TTYH3: variants seen among roughly 807,000 people sequenced by gnomAD.
TTYH3 encodes the protein protein tweety homolog 3.
A neutral mutation model predicts 68.2 loss-of-function variants in TTYH3; 23 were observed. That is an observed-to-expected ratio of 0.34 (90% CI 0.24 to 0.48). The LOEUF (loss-of-function observed/expected upper bound fraction) is 0.48. Among genes scored for constraint, TTYH3 ranks in the 20% least tolerant of loss-of-function variants. The pLI is 0.99. For missense variants in TTYH3, 768 were observed against 727.7 expected (o/e 1.06, Z -0.64); for synonymous variants, 360 against 332.8 (o/e 1.08, Z -0.89).
At chr7:2,653,089 C>A in intron 9 of TTYH3, 79 bp downstream of exon 9, 2 of 1,332,058 alleles carry the variant, frequency 1.5e-6, no homozygotes, top group Non-Finnish European at 2.1e-6. Context: ...GGTGCAAACA[C>A]AGCTCAGGGC....
At position 2,648,985 on chromosome 7, in the gene TTYH3, C is replaced by T. The variant is rs80128481; in HGVS notation, c.723-582C>T. The stretch of plus-strand genomic sequence containing the variant: ...CCCGCAGTGGGGTGTGGGGCCTGCA[C>T]TGGGGTGTGTTTTGGGGATCTGAAC... On this transcript the variant is annotated intron_variant, in intron 5 of 13. Coordinates refer to ENST00000258796, the MANE Select transcript of TTYH3 (RefSeq NM_025250.3). Among the ~76,000 whole-genome samples the T allele has an allele frequency of 3.6e-5, 2 of 55,714 alleles. 1 individual carries two copies. The highest frequency in any genetic ancestry group is 7.3e-5 in the Non-Finnish European group (2 of 27,352). The allele number at this position is 55,714 out of a possible 152,430, so 36.6% of individuals were successfully genotyped here.
rs1786537490 is a variant in TTYH3 at position 2,663,178 on chromosome 7, G to A, written c.*1439G>A. 1 of 152,496 alleles carries A rather than the reference G, an allele frequency of 6.6e-6. No homozygotes were observed. The highest frequency in any genetic ancestry group is 6.5e-5 in the Admixed American group (1 of 15,288). 9.4% of individuals were successfully genotyped at this position (152,496 alleles called of 1,614,324 possible). ...CCAGCCCTCGAGGCTCGATGCCTGTGCCAAGGCCAGGGGCAGCCAGAGGGC... is the reference window on the plus strand; with the variant it reads ...CCAGCCCTCGAGGCTCGATGCCTGTACCAAGGCCAGGGGCAGCCAGAGGGC... On this transcript the variant is annotated 3_prime_UTR_variant, in exon 14 of 14. Coordinates refer to ENST00000258796, the MANE Select transcript of TTYH3 (RefSeq NM_025250.3).
intron 9 of TTYH3, 52 bp from the exon 10 acceptor site, chr7:2,656,040 G>A (rs1786323136): frequency 2.8e-5 from 40 of 1,417,324 alleles, no homozygotes; most frequent in Non-Finnish European, 3.8e-5. Flanking sequence ...AGGCTGGCTC[G>A]AGGTCCCCCG....
rs1446135441 is a variant in TTYH3, at chr7:2,663,815, TG to T, written c.*2077del. 2 of 152,558 alleles carry T rather than the reference TG, an allele frequency of 1.3e-5. No homozygotes were observed. The highest frequency in any genetic ancestry group is 4.8e-5 in the African/African-American group (2 of 41,434). The allele number at this position is 152,558 out of a possible 1,614,324, so 9.5% of individuals were successfully genotyped here. A position where few individuals can be genotyped will look rare whatever the true frequency, so the allele number is the denominator to read the frequency against. ...GCTGTCTCGGGACTCCTGACCGTGGTGTGCGTGTGTGCCCGTCTGTGACTTT... is the reference window on the plus strand; with the variant it reads ...GCTGTCTCGGGACTCCTGACCGTGGTTGCGTGTGTGCCCGTCTGTGACTTT... On this transcript the variant is annotated 3_prime_UTR_variant, in exon 14 of 14. Coordinates refer to ENST00000258796, the MANE Select transcript of TTYH3 (RefSeq NM_025250.3).
intron 9 of TTYH3, among the ~76,000 whole-genome samples, chr7:2,654,422 G>GTATA (rs34909345): frequency 2.0e-5 from 3 of 151,412 alleles, no homozygotes; most frequent in African/African-American, 7.3e-5. Context: ...GTATGTATGT[G>GTATA]TATATATATA....
At chr7:2,653,828 A>G (rs1685142029) in intron 9 of TTYH3, among the ~76,000 whole-genome samples, 1 of 152,234 alleles carries the variant, frequency 6.6e-6, no homozygotes, top group Non-Finnish European at 1.5e-5. Flanking sequence ...ACGCCACTGC[A>G]CTCCAGCCTG....
chr7:2,636,028 T>G (rs1105421), intron 1 of TTYH3, among the ~76,000 whole-genome samples: 99,181 of 152,156 alleles, frequency 0.65, 33,517 homozygotes, highest in African/African-American at 0.83. Context: ...AGCCCTCTGT[T>G]CCAGGCACTG....
At chr7:2,649,229 G>A (rs1023550906) in intron 5 of TTYH3, among the ~76,000 whole-genome samples, 3 of 152,122 alleles carry the variant, frequency 2.0e-5, no homozygotes, top group Admixed American at 1.3e-4. Context: ...GGGCTGCTAC[G>A]TGGGCGGCGG....
At chr7:2,651,357 T>C (rs2114990628) in intron 7 of TTYH3, among the ~76,000 whole-genome samples, 1 of 152,228 alleles carries the variant, frequency 6.6e-6, no homozygotes, top group East Asian at 1.9e-4. Context: ...CTGAAGAGCC[T>C]CCTGGAGGAA....
chr7:2,638,930 G>A (rs984161851), intron 1 of TTYH3, among the ~76,000 whole-genome samples: 2 of 152,092 alleles, frequency 1.3e-5, no homozygotes, highest in Admixed American at 1.3e-4. Flanking sequence ...GGGGGTGGTG[G>A]TAGTGGCTCG....
chr7:2,657,413 GTGGTGGTGA>G (rs377659606), intron 11 of TTYH3, among the ~76,000 whole-genome samples: 2,664 of 124,298 alleles, frequency 0.021, 79 homozygotes, highest in African/African-American at 0.1. Context: ...GGTGGTTGTG[GTGGTGGTGA>G]TGGTGATGGT....
chr7:2,634,487 T>G (rs1303265660), intron 1 of TTYH3, among the ~76,000 whole-genome samples: 1 of 151,072 alleles, frequency 6.6e-6, no homozygotes, highest in Non-Finnish European at 1.5e-5. Flanking sequence ...GGCTCCCTCT[T>G]AGCTGTCTCT....
chr7:2,656,025 G>T, intron 9 of TTYH3, 67 bp from the exon 10 acceptor site: 1 of 1,302,572 alleles, frequency 7.7e-7, no homozygotes. Context: ...TTCCCAGATG[G>T]GGCGAGGCTG....
intron 1 of TTYH3, among the ~76,000 whole-genome samples, chr7:2,641,481 C>T (rs1785844355): frequency 1.3e-5 from 2 of 152,178 alleles, no homozygotes; most frequent in Admixed American, 6.5e-5. Flanking sequence ...TCGCCCCCAG[C>T]CCCCTTGGCA....
rs144873164 is a variant in TTYH3, at chr7:2,635,990, G to A, written c.123+3712G>A. On this transcript the variant is annotated intron_variant, in intron 1 of 13. Coordinates refer to ENST00000258796, the MANE Select transcript of TTYH3 (RefSeq NM_025250.3). ...GGGTCGCTCTGGTCTGACTGCGCAC[G>A]GGGAATGTGCTGCCTCAGGAACTGG... is the stretch of plus-strand genomic sequence containing the variant. Among the ~76,000 whole-genome samples, 1,205 of 152,330 alleles carry A rather than the reference G, an allele frequency of 7.9e-3. 15 individuals carry two copies. Among genetic ancestry groups the A allele is most frequent in the Middle Eastern group, 0.031 (9 of 294 alleles).
rs1365970435 is a variant in TTYH3 at position 2,663,875 on chromosome 7, A to G, written c.*2136A>G. ...CAAGGTTGAAGAAAGGAAACGGGGA[A>G]AATCAAAAGGGGTTCAAACCCCACC... is the stretch of plus-strand genomic sequence containing the variant. On this transcript the variant is annotated 3_prime_UTR_variant, in exon 14 of 14. Transcript: ENST00000258796. 2.0e-5 allele frequency: 3 copies of G among 152,622 alleles called. 1 individual carries two copies. In the East Asian group the frequency reaches 5.6e-4, roughly 29 times the overall value. The allele number at this position is 152,622 out of a possible 1,614,324, so 9.5% of individuals were successfully genotyped here.
At chr7:2,640,178 C>T (rs1392574290) in intron 1 of TTYH3, among the ~76,000 whole-genome samples, 1 of 152,046 alleles carries the variant, frequency 6.6e-6, no homozygotes, top group Admixed American at 6.6e-5. Context: ...GTGGTGGGAT[C>T]GTGGCCACTG....
intron 1 of TTYH3, among the ~76,000 whole-genome samples, chr7:2,639,847 A>G (rs1032458320): frequency 6.6e-6 from 1 of 152,120 alleles, no homozygotes; most frequent in African/African-American, 2.4e-5. Context: ...GCAGGGCTGG[A>G]ACCCACCTTC....
At chr7:2,647,918 C>G (rs781354937) in intron 4 of TTYH3, 41 bp from the exon 5 acceptor site, 16 of 1,598,644 alleles carry the variant, frequency 1.0e-5, no homozygotes, top group Non-Finnish European at 1.4e-5. Context: ...TCCCAGGCCC[C>G]GGGTCCCTGT....
Sources: allele counts gnomAD v4.1 joint callset (sites outside exome capture counted in the v4.1 genomes callset), GRCh38; gene constraint gnomAD v4.1.1; transcripts MANE v1.5; gene names NCBI Gene and HGNC (gene_info 2026-07-23, HGNC 2026-07-21).